Variants in RTEL1 observed in about 807,000 individuals in gnomAD.
The protein encoded by RTEL1 is regulator of telomere length.
A neutral mutation model predicts 162.2 loss-of-function variants in RTEL1; 86 were observed. The observed-to-expected ratio is 0.53, with a 90% confidence interval of 0.45 to 0.63. RTEL1 has a LOEUF of 0.63. Ranked by LOEUF, RTEL1 falls within the 30% of genes least tolerant of loss-of-function variation. The pLI is 0.00. For synonymous variants in RTEL1, 958 were observed against 717.9 expected, an observed-to-expected ratio of 1.33 and a Z score of -5.35; for missense variants, 1,941 against 1,750.2, an observed-to-expected ratio of 1.11 and a Z score of -1.95.
chr20:63,685,094 C>T (rs3787090), intron 14 of RTEL1, among the ~76,000 whole-genome samples: 118,878 of 147,564 alleles, frequency 0.81, 48,886 homozygotes, highest in African/African-American at 0.94. Context: ...CACCATGTTG[C>T]CCAGGCTGGT....
Position 63,662,551 on chromosome 20 carries a change from A to G in RTEL1, c.401A>G (p.Lys134Arg). The change falls in exon 5 of 35, where the codon AAG (lysine) becomes AGG (arginine). Residue 134 changes from lysine (K) to arginine (R), a missense_variant. Physicochemically the swap from Lys to Arg is conservative, Grantham distance 26. Transcript: ENST00000360203. ...NELRNTSYRPKVCVLGSREQL... is the reference protein window; with the variant it reads ...NELRNTSYRPRVCVLGSREQL... Reference sequence around the variant, plus strand: ...ACGGTGCTCTCTCCCACCAGGCCTAAGGTGTGTGTGCTGGGCTCCCGGGAG... The same window carrying G: ...ACGGTGCTCTCTCCCACCAGGCCTAGGGTGTGTGTGCTGGGCTCCCGGGAG... The G allele has an allele frequency of 6.2e-7, 1 of 1,613,916 alleles. No individual in the cohort carries two copies. Among genetic ancestry groups the G allele is most frequent in the Non-Finnish European group, 8.5e-7 (1 of 1,179,976 alleles).
At chr20:63,664,344 G>A (rs952383659) in intron 6 of RTEL1, among the ~76,000 whole-genome samples, 2 of 152,232 alleles carry the variant, frequency 1.3e-5, no homozygotes, top group African/African-American at 2.4e-5. Flanking sequence ...AGCATGGAAC[G>A]CTGAGCATGG....
Position 63,695,223 on chromosome 20 carries a change from T to G in RTEL1, c.3499+2T>G. ...TTACCCACAGGGCTCCCCAACCAGGTAGGGCACCTGCCTGGCTGCTCCTGG... is the reference window on the plus strand; with the variant it reads ...TTACCCACAGGGCTCCCCAACCAGGGAGGGCACCTGCCTGGCTGCTCCTGG... On this transcript the variant is annotated splice_donor_variant, in intron 33 of 34. Coordinates refer to ENST00000360203, the MANE Select transcript of RTEL1 (RefSeq NM_001283009.2). LOFTEE classifies it high-confidence loss of function. 1 of 1,610,836 alleles carries G rather than the reference T, an allele frequency of 6.2e-7. No individual in the cohort carries two copies. Among genetic ancestry groups the G allele is most frequent in the Non-Finnish European group, 8.5e-7 (1 of 1,179,030 alleles).
At chr20:63,681,559 T>A (rs987326522) in intron 14 of RTEL1, 1 of 984,882 alleles carries the variant, frequency 1.0e-6, no homozygotes, top group African/African-American at 1.8e-5. Flanking sequence ...GTGCTTGAGC[T>A]GGGGGAGGCC....
At position 63,680,036 on chromosome 20, in the gene RTEL1, C is replaced by T. The variant is rs529418043; in HGVS notation, c.1135+90C>T. On this transcript the variant is annotated intron_variant, in intron 13 of 34. Coordinates refer to ENST00000360203, the MANE Select transcript of RTEL1 (RefSeq NM_001283009.2). ...TCTTGGCAGTCAGGGCTCCCCTGGC[C>T]GTCACCTGGCCGTCAGCAGGAACAG... 2.7e-5 allele frequency: 23 copies of T among 864,954 alleles called. No individual in the cohort carries two copies. In the East Asian group the frequency reaches 4.0e-4, roughly 15 times the overall value. The allele number at this position is 864,954 out of a possible 1,614,324, so 53.6% of individuals were successfully genotyped here. A position where few individuals can be genotyped will look rare whatever the true frequency, so the allele number is the denominator to read the frequency against.
intron 7 of RTEL1, among the ~76,000 whole-genome samples, chr20:63,666,814 GACCC>G (rs2090137880): frequency 6.7e-6 from 1 of 149,516 alleles, no homozygotes. Context: ...ACAGGCGTGA[GACCC>G]CATGCCTGGC....
chr20:63,693,201 G>A lies in RTEL1; in HGVS notation c.2910G>A (p.Gln970=), dbSNP rs766629738. The A allele has an allele frequency of 9.3e-6, 15 of 1,612,042 alleles. No individual in the cohort carries two copies. Among genetic ancestry groups the A allele is most frequent in the Non-Finnish European group, 1.2e-5 (14 of 1,179,542 alleles). Residue 970 remains glutamine (Q), a synonymous_variant, in exon 30 of 35, where the codon CAG becomes CAA. Coordinates refer to ENST00000360203, the MANE Select transcript of RTEL1 (RefSeq NM_001283009.2). ...AGCAGTTTGAGGAGGTCTGTATCCA[G>A]CTGACAGGACGAGGCTGTGGCTATC... ...HKQQFEEVCI[Q]LTGRGCGYRP... is the part of the protein sequence containing the mutation.
chr20:63,690,070 C>T lies in RTEL1; in HGVS notation c.2142-17C>T, dbSNP rs1410241878. On this transcript the variant is annotated splice_polypyrimidine_tract_variant and intron_variant, in intron 24 of 34. Coordinates refer to ENST00000360203, the MANE Select transcript of RTEL1 (RefSeq NM_001283009.2). ...AGCGGCTGTGGGCAGGGCAGCAGGG[C>T]TATGGCCACCCCCCAGGTTCGCCTT... 7 of 1,608,430 alleles carry T rather than the reference C, an allele frequency of 4.4e-6. No individual in the cohort carries two copies. The highest frequency in any genetic ancestry group is 5.9e-6 in the Non-Finnish European group (7 of 1,179,184).
In RTEL1 at chr20:63,667,449, TTC is replaced by T; in HGVS notation, c.615-17_615-16del. On this transcript the variant is annotated intron_variant, in intron 7 of 34. Coordinates refer to ENST00000360203, the MANE Select transcript of RTEL1 (RefSeq NM_001283009.2). Reference sequence around the variant, plus strand: ...CCCTGCATGGGGTGCTCACAGGATCTTCTCCTCTCTCCTTCCCAGGGTGTGCC... The same window carrying T: ...CCCTGCATGGGGTGCTCACAGGATCTTCCTCTCTCCTTCCCAGGGTGTGCC... The T allele has an allele frequency of 6.2e-7, 1 of 1,602,554 alleles. No homozygotes were observed.
chr20:63,679,315 T>C (rs2090435217), intron 12 of RTEL1, among the ~76,000 whole-genome samples: 1 of 152,126 alleles, frequency 6.6e-6, no homozygotes, highest in Non-Finnish European at 1.5e-5. Context: ...AGCGTAATGC[T>C]CAAGGCTCTG....
intron 14 of RTEL1, 149 bp from the exon 15 acceptor site, chr20:63,685,374 C>G (rs183097727): frequency 2.6e-6 from 2 of 770,982 alleles, no homozygotes; most frequent in Admixed American, 2.7e-5. Context: ...GTGCCAGCTC[C>G]TGTCCATTGG....
intron 7 of RTEL1, among the ~76,000 whole-genome samples, chr20:63,666,349 A>T (rs946277782): frequency 6.6e-6 from 1 of 152,200 alleles, no homozygotes; most frequent in Non-Finnish European, 1.5e-5. Flanking sequence ...AAGCACGCGC[A>T]GTTTTGTCTG....
intron 10 of RTEL1, among the ~76,000 whole-genome samples, chr20:63,676,891 C>A (rs549419544): frequency 1.4e-5 from 2 of 138,042 alleles, no homozygotes; most frequent in African/African-American, 5.7e-5. Context: ...GCCGAGATCG[C>A]ACCATTGCAC....
intron 14 of RTEL1, among the ~76,000 whole-genome samples, chr20:63,684,134 C>T (rs2090539569): frequency 6.6e-6 from 1 of 152,100 alleles, no homozygotes; most frequent in South Asian, 2.1e-4. Context: ...TGTAGAGTGA[C>T]GGAGCTTTGT....
At chr20:63,662,493 CTGTGGGTGT>C (rs1363010013) in intron 4 of RTEL1, 44 bp from the exon 5 acceptor site, 1 of 1,607,628 alleles carries the variant, frequency 6.2e-7, no homozygotes, top group Non-Finnish European at 8.5e-7. Context: ...CAGGGCCACG[CTGTGGGTGT>C]TGGAGACAGC....
intron 28 of RTEL1, 52 bp downstream of exon 28, chr20:63,691,889 A>T: frequency 6.7e-7 from 1 of 1,493,734 alleles, no homozygotes; most frequent in East Asian, 2.3e-5. Context: ...ACGCATGGGA[A>T]CGCAGCCGTG....
At chr20:63,672,679 G>A in intron 9 of RTEL1, 58 bp downstream of exon 9, 2 of 1,441,334 alleles carry the variant, frequency 1.4e-6, no homozygotes, top group Non-Finnish European at 1.9e-6. Flanking sequence ...TTTGTCAAGA[G>A]CCACGCAAAC....
At position 63,695,139 on chromosome 20, in the gene RTEL1, C is replaced by T; in HGVS notation, c.3417C>T (p.Pro1139=). Residue 1139 remains proline, a synonymous_variant, in exon 33 of 35, where the codon CCC becomes CCT. Transcript: ENST00000360203. The stretch of plus-strand genomic sequence containing the variant: ...CGTGCACAGACCTGACCGGCCGGCC[C>T]TACCCGGGCATGGAGCCACCGGGAC... ...SQTCTDLTGR[P]YPGMEPPGPQ... is the part of the protein sequence containing the mutation. The T allele has an allele frequency of 6.2e-7, 1 of 1,612,468 alleles. No individual in the cohort carries two copies. The highest frequency in any genetic ancestry group is 1.3e-5 in the African/African-American group (1 of 75,054).
chr20:63,695,206 A>T lies in RTEL1; in HGVS notation c.3484A>T (p.Arg1162Trp). ...TGCCGTGCCTCCTGTGCTTACCCAC[A>T]GGGCTCCCCAACCAGGTAGGGCACC... ...RLAVPPVLTH[R>W]APQPGPSRSE... Residue 1162 changes from arginine to tryptophan, a missense_variant, in exon 33 of 35, where the codon AGG becomes TGG. Coordinates refer to ENST00000360203, the MANE Select transcript of RTEL1 (RefSeq NM_001283009.2). 1 of 1,611,892 alleles carries T rather than the reference A, an allele frequency of 6.2e-7. No individual in the cohort carries two copies. Among genetic ancestry groups the T allele is most frequent in the Non-Finnish European group, 8.5e-7 (1 of 1,179,672 alleles).
Sources: gnomAD v4.1 joint callset for allele counts (sites outside exome capture counted in the v4.1 genomes callset) on GRCh38, gnomAD v4.1.1 for gene constraint, MANE v1.5 for transcripts, NCBI Gene and HGNC (gene_info 2026-07-23, HGNC 2026-07-21) for gene names.